Variants in FTCDNL1 observed in about 807,000 individuals in gnomAD.
The protein encoded by FTCDNL1 is formiminotransferase N-terminal subdomain-containing protein.
FTCDNL1 carries 11 observed loss-of-function variants against 5.9 expected under a neutral mutation model. The ratio of observed to expected loss-of-function variants is 1.87; its 90% CI spans 1.18 to 3.10. The LOEUF (loss-of-function observed/expected upper bound fraction) is 3.10. FTCDNL1 is among the 30% of genes most tolerant of loss of function. FTCDNL1 has a pLI of 0.00. For synonymous variants in FTCDNL1, 58 were observed against 24.8 expected, an observed-to-expected ratio of 2.34 and a Z score of -3.99; for missense variants, 115 against 65.5, an observed-to-expected ratio of 1.76 and a Z score of -2.61.
the FTCDNL1 span, among the ~76,000 whole-genome samples, chr2:199,736,735 A>C: frequency 6.6e-6 from 1 of 152,236 alleles, no homozygotes; most frequent in East Asian, 1.9e-4. Flanking sequence ...CACAGTAGTG[A>C]TATCACTTCA....
Position 199,836,642 on chromosome 2 carries a change from T to C in FTCDNL1, c.211+9433A>G, listed in dbSNP as rs1038534205. Among the ~76,000 whole-genome samples, 4 of 152,132 alleles carry C rather than the reference T, an allele frequency of 2.6e-5. No individual in the cohort carries two copies. In the South Asian group the frequency reaches 8.3e-4, roughly 32 times the overall value. On this transcript the variant is annotated intron_variant, in intron 3 of 4. Transcript: ENST00000420128. ...ATTAACCAGGCATGGTGGTACATGC[T>C]GTAGTTCCAGCTATTCGGGAGGTGG...
chr2:199,809,208 T>A (rs1000793481), downstream of FTCDNL1, among the ~76,000 whole-genome samples: 4 of 151,984 alleles, frequency 2.6e-5, no homozygotes, highest in African/African-American at 4.8e-5. Context: ...GTAAAAAAAA[T>A]TAGATCACTG....
rs111886661 is a variant in FTCDNL1, at chr2:199,783,315, T to C, written c.212-22480A>G. On this transcript the variant is annotated intron_variant, in intron 3 of 3. Coordinates refer to the FTCDNL1 transcript ENST00000416668. ...GAATATCTACTTTAGTATGCCTACA[T>C]CTCTGAGTCTTTTTTGTTGTTGTTA... Among the ~76,000 whole-genome samples, 406 of 152,356 alleles carry C rather than the reference T, an allele frequency of 2.7e-3. 6 individuals are homozygous for C. The highest frequency in any genetic ancestry group is 8.9e-3 in the African/African-American group (372 of 41,568).
At chr2:199,767,502 T>C (rs1035650902) in intron 3 of FTCDNL1, among the ~76,000 whole-genome samples, 2 of 152,226 alleles carry the variant, frequency 1.3e-5, no homozygotes, top group African/African-American at 4.8e-5. Flanking sequence ...TTTAAATATA[T>C]GCGTCCCCTC....
chr2:199,840,255 A>T (rs2076546475), intron 3 of FTCDNL1, among the ~76,000 whole-genome samples: 1 of 152,228 alleles, frequency 6.6e-6, no homozygotes, highest in African/African-American at 2.4e-5. Flanking sequence ...AAGTATATAA[A>T]ACTCTAAGCA....
At chr2:199,705,112 G>A in the FTCDNL1 span, among the ~76,000 whole-genome samples, 1 of 152,128 alleles carries the variant, frequency 6.6e-6, no homozygotes, top group African/African-American at 2.4e-5. Context: ...GACATGGATT[G>A]CTCTAGGAAA....
At chr2:199,720,542 C>T in the FTCDNL1 span, among the ~76,000 whole-genome samples, 1 of 152,186 alleles carries the variant, frequency 6.6e-6, no homozygotes, top group African/African-American at 2.4e-5. Context: ...TCCTTCCTTG[C>T]CTCTGCCAGT....
At chr2:199,735,390 G>A in the FTCDNL1 span, among the ~76,000 whole-genome samples, 2 of 152,138 alleles carry the variant, frequency 1.3e-5, no homozygotes, top group Admixed American at 6.5e-5. Flanking sequence ...TCTGCTTTAT[G>A]AGATCCATTG....
chr2:199,671,143 A>C, the FTCDNL1 span, among the ~76,000 whole-genome samples: 2 of 144,252 alleles, frequency 1.4e-5, no homozygotes, highest in Non-Finnish European at 3.0e-5. Flanking sequence ...CAGGAAAGGC[A>C]TAATATCTGT....
intron 3 of FTCDNL1, among the ~76,000 whole-genome samples, chr2:199,799,838 TC>T (rs1406545448): frequency 6.6e-6 from 1 of 152,118 alleles, no homozygotes; most frequent in African/African-American, 2.4e-5. Flanking sequence ...CCCAGACCCT[TC>T]CTTTGCTGAG....
intron 3 of FTCDNL1, among the ~76,000 whole-genome samples, chr2:199,789,847 T>C (rs1272369175): frequency 1.3e-5 from 2 of 152,124 alleles, no homozygotes; most frequent in African/African-American, 4.8e-5. Flanking sequence ...GAAAATATTA[T>C]ATTTACAGTA....
intron 3 of FTCDNL1, among the ~76,000 whole-genome samples, chr2:199,780,690 C>T (rs1448464156): frequency 6.6e-6 from 1 of 152,146 alleles, no homozygotes; most frequent in East Asian, 1.9e-4. Flanking sequence ...GGGTTCTGAG[C>T]CCTAGCTTAG....
chr2:199,747,157 G>T, the FTCDNL1 span, among the ~76,000 whole-genome samples: 1 of 151,800 alleles, frequency 6.6e-6, no homozygotes, highest in Non-Finnish European at 1.5e-5. Flanking sequence ...AATGAATCAG[G>T]AACATGTGGA....
the FTCDNL1 span, among the ~76,000 whole-genome samples, chr2:199,715,586 A>T: frequency 6.6e-6 from 1 of 152,174 alleles, no homozygotes; most frequent in Non-Finnish European, 1.5e-5. Flanking sequence ...TAAATTACCC[A>T]GTCTCGGGTA....
chr2:199,752,778 GTGTA>G, the FTCDNL1 span, among the ~76,000 whole-genome samples: 11,876 of 57,618 alleles, frequency 0.21, 663 homozygotes, highest in South Asian at 0.41. Flanking sequence ...GTGTGTGTGT[GTGTA>G]TGTGTGTGTG....
At chr2:199,701,150 G>T in the FTCDNL1 span, among the ~76,000 whole-genome samples, 2 of 151,848 alleles carry the variant, frequency 1.3e-5, no homozygotes, top group African/African-American at 4.8e-5. Flanking sequence ...AATTATTTAA[G>T]AACAATGTTA....
At chr2:199,837,580 A>ATTATT (rs1702838415) in intron 3 of FTCDNL1, among the ~76,000 whole-genome samples, 1 of 152,182 alleles carries the variant, frequency 6.6e-6, no homozygotes, top group African/African-American at 2.4e-5. Context: ...ATCTGTAATA[A>ATTATT]GGTAATCAAA....
the FTCDNL1 span, among the ~76,000 whole-genome samples, chr2:199,668,953 A>C: frequency 6.6e-6 from 1 of 152,312 alleles, no homozygotes; most frequent in Admixed American, 6.5e-5. Flanking sequence ...CTCAGATTGT[A>C]ATAATTCAAG....
At chr2:199,706,901 C>T in the FTCDNL1 span, among the ~76,000 whole-genome samples, 1 of 152,206 alleles carries the variant, frequency 6.6e-6, no homozygotes, top group Admixed American at 6.5e-5. Context: ...TATGGGACAT[C>T]CCCCGTAGGG....
Sources: allele counts gnomAD v4.1 joint callset (sites outside exome capture counted in the v4.1 genomes callset), GRCh38; gene constraint gnomAD v4.1.1; transcripts MANE v1.5; gene names NCBI Gene and HGNC (gene_info 2026-07-23, HGNC 2026-07-21).